DMD: variants seen among roughly 807,000 people sequenced by gnomAD.
DMD encodes the protein mutant dystrophin.
In DMD, 63 loss-of-function variants were observed where a neutral mutation model predicts 330.1. The ratio of observed to expected loss-of-function variants is 0.19; its 90% confidence interval spans 0.16 to 0.24. The LOEUF is 0.24. Among genes scored for constraint, DMD ranks in the 10% least tolerant of loss-of-function variants. The pLI is 1.00. For synonymous variants in DMD, 1,223 were observed against 959.8 expected (o/e 1.27, Z -5.07); for missense variants, 3,344 against 2,684.1 (o/e 1.25, Z -5.43).
intron 9 of DMD, among the ~76,000 whole-genome samples, chrX:32,664,238 GT>G (rs59135933): frequency 0.037 from 3,166 of 86,708 alleles, 27 homozygotes; most frequent in African/African-American, 0.057. Flanking sequence ...CCTGGCATAG[GT>G]TTTTTTTTTT....
chrX:31,654,598 G>A (rs993595280), intron 54 of DMD, among the ~76,000 whole-genome samples: 1 of 111,999 alleles, frequency 8.9e-6, no homozygotes, highest in Non-Finnish European at 1.9e-5. Flanking sequence ...ATGAGATCAT[G>A]TCCTTTGCAG....
chrX:32,720,468 T>G (rs1274425093), intron 7 of DMD, among the ~76,000 whole-genome samples: 1 of 112,225 alleles, frequency 8.9e-6, no homozygotes, highest in Non-Finnish European at 1.9e-5. Context: ...TGTTATTCGA[T>G]TCACATTGTT....
intron 30 of DMD, among the ~76,000 whole-genome samples, chrX:32,401,711 A>G (rs1397644905): frequency 8.9e-6 from 1 of 112,342 alleles, no homozygotes; most frequent in Non-Finnish European, 1.9e-5. Flanking sequence ...AAACTAAAAG[A>G]GTACAACTGA....
At chrX:33,014,159 C>T (rs776018982) in intron 2 of DMD, among the ~76,000 whole-genome samples, 2 of 111,398 alleles carry the variant, frequency 1.8e-5, no homozygotes, top group African/African-American at 6.5e-5. Flanking sequence ...AATGAGCTTC[C>T]TCAAACACAG....
chrX:32,474,567 A>G (rs2041026015), intron 21 of DMD, among the ~76,000 whole-genome samples: 2 of 111,915 alleles, frequency 1.8e-5, no homozygotes, highest in Admixed American at 9.5e-5. Flanking sequence ...TGCAAGAGTA[A>G]GGTGGTATCA....
intron 67 of DMD, among the ~76,000 whole-genome samples, chrX:31,191,007 C>A (rs2042289601): frequency 9.0e-6 from 1 of 111,563 alleles, no homozygotes; most frequent in African/African-American, 3.3e-5. Context: ...AATTAAAAGC[C>A]CCAAACTAGA....
intron 41 of DMD, among the ~76,000 whole-genome samples, chrX:32,331,592 T>C (rs992364057): frequency 9.0e-6 from 1 of 111,650 alleles, no homozygotes; most frequent in Non-Finnish European, 1.9e-5. Context: ...TTTCTTATGT[T>C]TATTAATATA....
At chrX:32,506,865 G>C (rs748189867) in intron 18 of DMD, among the ~76,000 whole-genome samples, 1 of 111,664 alleles carries the variant, frequency 9.0e-6, no homozygotes, top group East Asian at 2.8e-4. Flanking sequence ...GTTCTAATTT[G>C]TTGGTTGAAC....
In DMD at chrX:32,527,058, T is replaced by A. The variant is rs749356533; in HGVS notation, c.2169-8927A>T. On this transcript the variant is annotated intron_variant, in intron 17 of 78. Coordinates refer to ENST00000357033, the MANE Select transcript of DMD (RefSeq NM_004006.3). ...GTTTATGAATGGCCATTTTACATAT[T>A]TAAACATCTTAGCATGTAGAATTTC... Among the ~76,000 whole-genome samples the A allele has an allele frequency of 1.2e-3, 131 of 111,979 alleles. 1 individual carries two copies. The highest frequency in any genetic ancestry group is 3.9e-3 in the African/African-American group (121 of 30,825).
chrX:31,218,069 A>C (rs2045593787), intron 64 of DMD, among the ~76,000 whole-genome samples: 1 of 112,000 alleles, frequency 8.9e-6, no homozygotes, highest in South Asian at 3.7e-4. Context: ...ATTGGAAATT[A>C]TAAGTTGAAA....
At chrX:31,383,822 A>C (rs750489944) in intron 60 of DMD, among the ~76,000 whole-genome samples, 2 of 111,569 alleles carry the variant, frequency 1.8e-5, no homozygotes, top group African/African-American at 3.3e-5. Flanking sequence ...CGAGGTGAAG[A>C]TTACCTTCCT....
At chrX:32,815,536 C>CACACACACAT (rs1381030960) in intron 6 of DMD, among the ~76,000 whole-genome samples, 2 of 97,090 alleles carry the variant, frequency 2.1e-5, no homozygotes, top group Non-Finnish European at 2.0e-5. Flanking sequence ...CACACACACA[C>CACACACACAT]ATATATATAC....
At chrX:33,013,157 G>T (rs1485913967) in intron 2 of DMD, among the ~76,000 whole-genome samples, 3 of 110,628 alleles carry the variant, frequency 2.7e-5, no homozygotes, top group Non-Finnish European at 5.7e-5. Flanking sequence ...ATGAGTTTTA[G>T]AGTCCATTTT....
At chrX:31,150,893 G>A (rs935025486) in intron 74 of DMD, among the ~76,000 whole-genome samples, 5 of 111,444 alleles carry the variant, frequency 4.5e-5, no homozygotes, top group Non-Finnish European at 9.4e-5. Flanking sequence ...AACATTACAA[G>A]GTTTCCAGGA....
intron 1 of DMD, among the ~76,000 whole-genome samples, chrX:33,261,328 G>C (rs996867471): frequency 9.0e-6 from 1 of 110,819 alleles, no homozygotes; most frequent in Non-Finnish European, 1.9e-5. Flanking sequence ...AAAAGAAAGA[G>C]TGTTATAACA....
At chrX:31,933,333 C>A (rs2094882431) in intron 45 of DMD, among the ~76,000 whole-genome samples, 2 of 111,346 alleles carry the variant, frequency 1.8e-5, no homozygotes, top group Admixed American at 1.9e-4. Flanking sequence ...TTATGACTCA[C>A]AACCTTATTT....
intron 7 of DMD, among the ~76,000 whole-genome samples, chrX:32,791,067 C>T (rs1481827531): frequency 9.0e-6 from 1 of 111,347 alleles, no homozygotes; most frequent in Non-Finnish European, 1.9e-5. Context: ...ACTAGTCTTC[C>T]TGGGGCCTGA....
intron 57 of DMD, among the ~76,000 whole-genome samples, chrX:31,488,726 T>C (rs1288103152): frequency 2.7e-5 from 3 of 111,958 alleles, no homozygotes; most frequent in African/African-American, 6.5e-5. Flanking sequence ...AAGTAATCAT[T>C]TCCTTCTGAG....
chrX:31,882,102 T>C (rs1460299361), intron 47 of DMD, among the ~76,000 whole-genome samples: 1 of 112,344 alleles, frequency 8.9e-6, no homozygotes, highest in Non-Finnish European at 1.9e-5. Flanking sequence ...GAAATTGACA[T>C]GCCAATCCTA....
Sources: allele counts gnomAD v4.1 joint callset (sites outside exome capture counted in the v4.1 genomes callset), GRCh38; gene constraint gnomAD v4.1.1; transcripts MANE v1.5; gene names NCBI Gene and HGNC (gene_info 2026-07-23, HGNC 2026-07-21).